CA6: variants seen among roughly 807,000 people sequenced by gnomAD.
CA6 encodes carbonic anhydrase 6, also known as carbonate dehydratase VI.
CA6 carries 28 observed loss-of-function variants against 35.9 expected under a neutral mutation model. The observed-to-expected ratio is 0.78, with a 90% confidence interval of 0.58 to 1.07. The LOEUF is 1.07. CA6 is among the 50% of genes least tolerant of loss of function. The pLI is 0.00. For missense variants in CA6, 377 were observed against 382.0 expected, an observed-to-expected ratio of 0.99 and a Z score of 0.11; for synonymous variants, 148 against 152.6, an observed-to-expected ratio of 0.97 and a Z score of 0.22.
intron 2 of CA6, among the ~76,000 whole-genome samples, chr1:8,955,263 C>T (rs1053128850): frequency 1.7e-4 from 26 of 152,202 alleles, no homozygotes; most frequent in African/African-American, 6.3e-4. Context: ...GTAGTCCCTG[C>T]TACTTGAGGG....
At chr1:8,974,276 C>G (rs367685414) in intron 7 of CA6, 1 of 1,075,760 alleles carries the variant, frequency 9.3e-7, no homozygotes, top group East Asian at 2.8e-5. Flanking sequence ...AGGTCAGTTA[C>G]AAAAACAAGA....
intron 7 of CA6, chr1:8,974,272 G>A: frequency 1.0e-6 from 1 of 989,618 alleles, no homozygotes; most frequent in East Asian, 2.8e-5. Context: ...ACCAAGGTCA[G>A]TTACAAAAAC....
At chr1:8,948,993 A>G (rs1639444781) in intron 1 of CA6, among the ~76,000 whole-genome samples, 1 of 151,170 alleles carries the variant, frequency 6.6e-6, no homozygotes, top group Non-Finnish European at 1.5e-5. Context: ...AAAGACTTCC[A>G]TTGATTTCAA....
In CA6 at chr1:8,958,911, T is replaced by G; in HGVS notation, c.410T>G (p.Ile137Ser). ...TVDGIRHVIE[I>S]HIVHYNSKYK... ...ACCCACTCTACCTTGCTCTTACAGATTCACATTGTTCACTACAATTCTAAA... is the reference window on the plus strand; with the variant it reads ...ACCCACTCTACCTTGCTCTTACAGAGTCACATTGTTCACTACAATTCTAAA... Residue 137 changes from isoleucine to serine, a missense_variant and splice_region_variant, in exon 4 of 8, where the codon ATT becomes AGT. Physicochemically the swap from Ile to Ser is moderately radical, Grantham distance 142. Transcript: ENST00000377443. 1 of 1,584,768 alleles carries G rather than the reference T, an allele frequency of 6.3e-7. No individual in the cohort carries two copies. The highest frequency in any genetic ancestry group is 1.3e-5 in the African/African-American group (1 of 74,412).
intron 4 of CA6, among the ~76,000 whole-genome samples, chr1:8,960,858 AAAC>A (rs1176408234): frequency 6.6e-6 from 1 of 151,944 alleles, no homozygotes; most frequent in Non-Finnish European, 1.5e-5. Flanking sequence ...AAACAAAACA[AAAC>A]AATGGCCCAA....
In CA6 at chr1:8,949,305, C is replaced by T. The variant is rs1416264488; in HGVS notation, c.122C>T (p.Ala41Val). The change falls in exon 2 of 8, where the codon GCC becomes GTC. Residue 41 changes from alanine to valine, a missense_variant. Coordinates refer to ENST00000377443, the MANE Select transcript of CA6 (RefSeq NM_001215.4). Reference protein sequence around the residue: ...DEAHWPQHYPACGGQRQSPIN... With the variant: ...DEAHWPQHYPVCGGQRQSPIN... ...GCGCACTGGCCACAGCACTACCCCGCCTGTGGGGGCCAGAGACAGTCGCCT... is the reference window on the plus strand; with the variant it reads ...GCGCACTGGCCACAGCACTACCCCGTCTGTGGGGGCCAGAGACAGTCGCCT... The T allele has an allele frequency of 3.1e-6, 5 of 1,612,800 alleles. No homozygotes were observed. Among genetic ancestry groups the T allele is most frequent in the Non-Finnish European group, 4.2e-6 (5 of 1,179,350 alleles).
intron 2 of CA6, among the ~76,000 whole-genome samples, chr1:8,952,848 G>C (rs966855412): frequency 7.2e-5 from 11 of 151,882 alleles, no homozygotes; most frequent in African/African-American, 2.4e-4. Flanking sequence ...GTACAGACAG[G>C]GTGTCACCAT....
chr1:8,958,011 T>G (rs930562470), intron 3 of CA6, among the ~76,000 whole-genome samples: 7 of 152,108 alleles, frequency 4.6e-5, no homozygotes, highest in African/African-American at 1.2e-4. Context: ...GTTGAGTTTA[T>G]TTTTTATTCA....
chr1:8,972,976 C>A (rs1432631648), intron 7 of CA6, among the ~76,000 whole-genome samples: 1 of 152,108 alleles, frequency 6.6e-6, no homozygotes, highest in Non-Finnish European at 1.5e-5. Flanking sequence ...TTTAACAGGT[C>A]CAATTGCAAG....
At chr1:8,962,471 C>T in intron 4 of CA6, 116 bp from the exon 5 acceptor site, 1 of 831,598 alleles carries the variant, frequency 1.2e-6, no homozygotes, top group Non-Finnish European at 2.1e-6. Context: ...CACAGGCTGC[C>T]TCTCCTTACT....
intron 6 of CA6, 82 bp downstream of exon 6, chr1:8,967,898 G>T: frequency 7.7e-7 from 1 of 1,306,542 alleles, no homozygotes; most frequent in Admixed American, 1.9e-5. Flanking sequence ...CTCAACGAAC[G>T]TCAACAACTA....
intron 5 of CA6, 118 bp downstream of exon 5, chr1:8,962,774 C>T (rs1013448629): frequency 6.1e-6 from 5 of 813,392 alleles, no homozygotes; most frequent in Non-Finnish European, 1.1e-5. Context: ...GTGGGCCCTG[C>T]CAAGGGAGTC....
At chr1:8,951,864 G>A (rs544943990) in intron 2 of CA6, 12 of 252,212 alleles carry the variant, frequency 4.8e-5, no homozygotes, top group African/African-American at 1.1e-4. Context: ...CTGTCACCCC[G>A]GCTGGAGTGC....
At chr1:8,959,197 C>G (rs887770980) in intron 4 of CA6, among the ~76,000 whole-genome samples, 195 bp downstream of exon 4, 4 of 152,090 alleles carry the variant, frequency 2.6e-5, no homozygotes, top group Non-Finnish European at 2.9e-5. Context: ...CCTTGGTTAA[C>G]GTGGACAAGC....
chr1:8,961,142 G>C (rs1017662199), intron 4 of CA6, among the ~76,000 whole-genome samples: 4 of 152,098 alleles, frequency 2.6e-5, no homozygotes, highest in African/African-American at 9.7e-5. Flanking sequence ...CACATTCCCA[G>C]ATATACGAAA....
chr1:8,955,896 G>A (rs1289776892), intron 2 of CA6, among the ~76,000 whole-genome samples: 2 of 152,200 alleles, frequency 1.3e-5, no homozygotes, highest in African/African-American at 2.4e-5. Flanking sequence ...TTAAGAAAAT[G>A]TTCTTGTTTA....
intron 3 of CA6, among the ~76,000 whole-genome samples, chr1:8,958,452 G>A (rs1405772740): frequency 1.3e-5 from 2 of 152,222 alleles, no homozygotes; most frequent in African/African-American, 4.8e-5. Flanking sequence ...ACAGGCATGA[G>A]CCACTGTGCC....
At chr1:8,970,779 G>T (rs1231227782) in intron 6 of CA6, 88 bp from the exon 7 acceptor site, 1 of 848,652 alleles carries the variant, frequency 1.2e-6, no homozygotes, top group Non-Finnish European at 2.0e-6. Flanking sequence ...GGGATTACAG[G>T]CGTGAGCCAC....
At position 8,955,815 on chromosome 1, in the gene CA6, G is replaced by A. The variant is rs372966109; in HGVS notation, c.260-1322G>A. ...GTTATGAATTTAATCATAGCTCCCCGCTCCTTTAGACAATTTGGAAAGAAA... is the reference window on the plus strand; with the variant it reads ...GTTATGAATTTAATCATAGCTCCCCACTCCTTTAGACAATTTGGAAAGAAA... On this transcript the variant is annotated intron_variant, in intron 2 of 7. Coordinates refer to ENST00000377443, the MANE Select transcript of CA6 (RefSeq NM_001215.4). Among the ~76,000 whole-genome samples the A allele has an allele frequency of 4.6e-5, 7 of 152,276 alleles. No homozygotes were observed. In the South Asian group the frequency reaches 1.5e-3, roughly 32 times the overall value.
Sources: allele counts gnomAD v4.1 joint callset (sites outside exome capture counted in the v4.1 genomes callset), GRCh38; gene constraint gnomAD v4.1.1; transcripts MANE v1.5; gene names NCBI Gene and HGNC (gene_info 2026-07-23, HGNC 2026-07-21).